RBFOX1: variants seen among roughly 807,000 people sequenced by gnomAD.
The protein encoded by RBFOX1 is RNA binding fox-1 homolog 1, also known as RNA binding protein fox-1 homolog 1.
A neutral mutation model predicts 57.7 loss-of-function variants in RBFOX1; 8 were observed. The observed-to-expected ratio is 0.14, with a 90% confidence interval of 0.08 to 0.25. RBFOX1 has a LOEUF of 0.25. Ranked by LOEUF, RBFOX1 falls within the 10% of genes least tolerant of loss-of-function variation. The probability of loss-of-function intolerance (pLI) is 1.00; values close to 1 mark genes in which losing one functional copy is unlikely to be tolerated. For synonymous variants in RBFOX1, 326 were observed against 222.4 expected (o/e 1.47, Z -4.15); for missense variants, 611 against 548.5 (o/e 1.11, Z -1.14).
Position 6,717,016 on chromosome 16 carries a change from C to A in RBFOX1, c.-16+62366C>A, listed in dbSNP as rs149461340. ...AGAGACAGAAGAGCTTGCTTTCTCT[C>A]TTTTCTCTCAACCATGTGAGGATAC... On this transcript the variant is annotated intron_variant, in intron 3 of 15. Coordinates refer to ENST00000550418, the MANE Select transcript of RBFOX1 (RefSeq NM_018723.4). 5.9e-4 allele frequency among the ~76,000 whole-genome samples: 90 copies of A among 152,250 alleles called. 1 individual carries two copies. The highest frequency in any genetic ancestry group is 5.7e-3 in the Admixed American group (87 of 15,300).
chr16:7,561,207 T>C (rs1225822892), intron 5 of RBFOX1, among the ~76,000 whole-genome samples: 2 of 152,222 alleles, frequency 1.3e-5, no homozygotes, highest in Non-Finnish European at 2.9e-5. Flanking sequence ...GTCTCTGCTT[T>C]TACAAATAAA....
intron 4 of RBFOX1, among the ~76,000 whole-genome samples, chr16:7,501,149 C>T (rs571488862): frequency 1.3e-5 from 2 of 152,288 alleles, no homozygotes; most frequent in South Asian, 2.1e-4. Flanking sequence ...ACTAATATAA[C>T]CCAGCTGAGA....
At chr16:7,337,976 C>G (rs571630501) in intron 4 of RBFOX1, among the ~76,000 whole-genome samples, 1 of 152,242 alleles carries the variant, frequency 6.6e-6, no homozygotes, top group Admixed American at 6.5e-5. Flanking sequence ...AGCCACCATG[C>G]CCAGCCTAGG....
At chr16:5,314,143 C>G (rs17137798) in intron 1 of RBFOX1, among the ~76,000 whole-genome samples, 2,833 of 152,282 alleles carry the variant, frequency 0.019, 87 homozygotes, top group African/African-American at 0.063. Context: ...TATTATCTAT[C>G]CCCACTTGCA....
chr16:7,029,204 GTATACGTATATATATA>G lies in RBFOX1; in HGVS notation c.-15-22852_-15-22837del, dbSNP rs1568441256. 6.2e-4 allele frequency among the ~76,000 whole-genome samples: 23 copies of G among 37,180 alleles called. 1 individual carries two copies. The highest frequency in any genetic ancestry group is 9.1e-4 in the Admixed American group (3 of 3,312). 24.4% of individuals were successfully genotyped at this position (37,180 alleles called of 152,430 possible). On this transcript the variant is annotated intron_variant, in intron 3 of 15. Transcript: ENST00000550418. ...CGTGTATATATACACATATGTATAC[GTATACGTATATATATA>G]CACACATATATATACGTATACGTAT...
At chr16:6,942,492 A>G (rs1252248975) in intron 3 of RBFOX1, among the ~76,000 whole-genome samples, 1 of 152,152 alleles carries the variant, frequency 6.6e-6, no homozygotes, top group South Asian at 2.1e-4. Context: ...CAACATCTCC[A>G]TCTCCTGGGA....
At chr16:6,103,956 G>C (rs1172971520) in intron 1 of RBFOX1, among the ~76,000 whole-genome samples, 1 of 152,074 alleles carries the variant, frequency 6.6e-6, no homozygotes, top group Non-Finnish European at 1.5e-5. Flanking sequence ...CCTAGCCATT[G>C]GGGCTCAGCC....
intron 3 of RBFOX1, among the ~76,000 whole-genome samples, chr16:6,674,418 T>A (rs2098787841): frequency 6.6e-6 from 1 of 151,952 alleles, no homozygotes; most frequent in Admixed American, 6.6e-5. Context: ...GCCTCCTGGG[T>A]TAAATTGATT....
intron 4 of RBFOX1, chr16:7,423,086 A>C (rs1247030595): frequency 1.1e-5 from 1 of 87,836 alleles, no homozygotes. Context: ...AGAGAGAATG[A>C]GGGAGAAAGA....
intron 2 of RBFOX1, among the ~76,000 whole-genome samples, chr16:6,354,819 G>T (rs1268082974): frequency 5.3e-5 from 8 of 152,144 alleles, no homozygotes. Flanking sequence ...AATAGAAGAT[G>T]CTCATTAACT....
At chr16:6,677,719 C>G (rs906155910) in intron 3 of RBFOX1, among the ~76,000 whole-genome samples, 13 of 152,032 alleles carry the variant, frequency 8.6e-5, no homozygotes, top group African/African-American at 3.1e-4. Flanking sequence ...TCCTTTTTTC[C>G]TCTTTTGTAA....
intron 2 of RBFOX1, among the ~76,000 whole-genome samples, chr16:5,469,057 A>G (rs2069046518): frequency 6.6e-6 from 1 of 152,146 alleles, no homozygotes; most frequent in Non-Finnish European, 1.5e-5. Context: ...GGATGGCTGG[A>G]TCTGACCAGT....
At chr16:6,519,546 CA>C (rs1245485049) in intron 2 of RBFOX1, among the ~76,000 whole-genome samples, 1 of 152,048 alleles carries the variant, frequency 6.6e-6, no homozygotes, top group Non-Finnish European at 1.5e-5. Flanking sequence ...ACTAAAAATA[CA>C]AAAATTAGCC....
At chr16:6,693,824 C>G (rs1201444630) in intron 3 of RBFOX1, among the ~76,000 whole-genome samples, 1 of 152,178 alleles carries the variant, frequency 6.6e-6, no homozygotes, top group Admixed American at 6.5e-5. Context: ...TCATTCTCCA[C>G]TACCATCACC....
intron 1 of RBFOX1, among the ~76,000 whole-genome samples, chr16:5,273,174 C>G (rs542834779): frequency 6.6e-6 from 1 of 151,442 alleles, no homozygotes; most frequent in Non-Finnish European, 1.5e-5. Flanking sequence ...ATTGCCCAAA[C>G]TTGGGCTGGT....
In RBFOX1 at chr16:7,653,797, T is replaced by TCC. The variant is rs2065656283; in HGVS notation, c.758-17_758-16insCC. 6.2e-7 allele frequency: 1 copy of TCC among 1,607,504 alleles called. No individual in the cohort carries two copies. The highest frequency in any genetic ancestry group is 8.5e-7 in the Non-Finnish European group (1 of 1,179,454). On this transcript the variant is annotated splice_polypyrimidine_tract_variant and intron_variant, in intron 11 of 15. Transcript: ENST00000550418. ...TGACAGCCTGTGCTCTCTCTCTCTC[T>TCC]CTCCTCTTGCCCCGCAGTGCCAGGC...
At chr16:6,697,565 C>T (rs1166862356) in intron 3 of RBFOX1, among the ~76,000 whole-genome samples, 1 of 152,160 alleles carries the variant, frequency 6.6e-6, no homozygotes, top group African/African-American at 2.4e-5. Flanking sequence ...ACTGGAGCAG[C>T]TTGAGTCAAA....
chr16:7,515,961 C>G lies in RBFOX1; in HGVS notation c.28-2186C>G, dbSNP rs145867059. Among the ~76,000 whole-genome samples, 1,011 of 152,272 alleles carry G rather than the reference C, an allele frequency of 6.6e-3. 10 individuals carry two copies. Among genetic ancestry groups the G allele is most frequent in the Non-Finnish European group, 9.5e-3 (645 of 68,036 alleles). Reference sequence around the variant, plus strand: ...CCACATTCAAGTGGTTCTCCTGCCTCAGTCTCCGGAGTAGCTAAGATTACA... The same window carrying G: ...CCACATTCAAGTGGTTCTCCTGCCTGAGTCTCCGGAGTAGCTAAGATTACA... On this transcript the variant is annotated intron_variant, in intron 4 of 15. Coordinates refer to ENST00000550418, the MANE Select transcript of RBFOX1 (RefSeq NM_018723.4).
chr16:7,693,240 A>AG, intron 14 of RBFOX1: 1 of 1,276,062 alleles, frequency 7.8e-7, no homozygotes, highest in Non-Finnish European at 1.1e-6. Flanking sequence ...CCTCATCTGT[A>AG]CACATCGAAG....
Sources: gnomAD v4.1 joint callset for allele counts (sites outside exome capture counted in the v4.1 genomes callset) on GRCh38, gnomAD v4.1.1 for gene constraint, MANE v1.5 for transcripts, NCBI Gene and HGNC (gene_info 2026-07-23, HGNC 2026-07-21) for gene names.